The following GPR148 variants were observed in gnomAD, a reference collection of about 807,000 sequenced individuals.
GPR148 encodes the protein G protein-coupled receptor 148, also known as probable G protein-coupled receptor 148.
For missense variants in GPR148, 424 were observed against 435.3 expected, an observed-to-expected ratio of 0.97 and a Z score of 0.23; for synonymous variants, 173 against 187.9, an observed-to-expected ratio of 0.92 and a Z score of 0.65.
Position 130,729,617 on chromosome 2 carries a change from T to G in GPR148, c.466T>G (p.Tyr156Asp), listed in dbSNP as rs1688445778. The G allele has an allele frequency of 6.2e-7, 1 of 1,614,234 alleles. No individual in the cohort carries two copies. The highest frequency in any genetic ancestry group is 2.2e-5 in the East Asian group (1 of 44,886). The change falls in exon 1 of 1, where the codon TAC becomes GAC. Residue 156 changes from tyrosine (Y) to aspartate (D), a missense_variant. Transcript: ENST00000309926. ...TYLAVIHPLR[Y>D]LSFMSHGAAW... ...CCTGGCAGTCATCCATCCACTGCGC[T>G]ACCTCTCCTTCATGTCCCATGGGGC...
chr2:130,729,322 C>G lies in GPR148; in HGVS notation c.171C>G (p.Ser57Arg). Reference protein sequence around the residue: ...SMLYWLFLPSSLLAAATLAVS... With the variant: ...SMLYWLFLPSRLLAAATLAVS... Reference sequence around the variant, plus strand: ...TGTACTGGCTTTTCCTTCCCTCAAGCCTGCTGGCTGCAGCCACACTGGCTG... The same window carrying G: ...TGTACTGGCTTTTCCTTCCCTCAAGGCTGCTGGCTGCAGCCACACTGGCTG... The change falls in exon 1 of 1, where the codon AGC (serine) becomes AGG (arginine). Residue 57 changes from serine (S) to arginine (R), a missense_variant. Ser to Arg is a moderately radical substitution (Grantham distance 110). Transcript: ENST00000309926. 6.2e-7 allele frequency: 1 copy of G among 1,613,648 alleles called. No individual in the cohort carries two copies.
At position 130,729,987 on chromosome 2, in the gene GPR148, T is replaced by G; in HGVS notation, c.836T>G (p.Val279Gly). Residue 279 changes from valine to glycine, a missense_variant, in exon 1 of 1, where the codon GTG (valine) becomes GGG (glycine). Transcript: ENST00000309926. ...ACATTGTACGTGAGCACAGGGGTGGTGTTCTCCCTGGACATGGTGCTGACC... is the reference window on the plus strand; with the variant it reads ...ACATTGTACGTGAGCACAGGGGTGGGGTTCTCCCTGGACATGGTGCTGACC... ...LITLYVSTGV[V>G]FSLDMVLTRY... The G allele has an allele frequency of 6.4e-7, 1 of 1,555,944 alleles. No homozygotes were observed. The highest frequency in any genetic ancestry group is 8.7e-7 in the Non-Finnish European group (1 of 1,148,554).
At position 130,729,862 on chromosome 2, in the gene GPR148, C is replaced by A. The variant is rs1363546683; in HGVS notation, c.711C>A (p.Asn237Lys). ...TCCTCTGCACAGCTCTCATTGCCAACTGTTTCTGGAGGATCTATGCAGAGG... is the reference window on the plus strand; with the variant it reads ...TCCTCTGCACAGCTCTCATTGCCAAATGTTTCTGGAGGATCTATGCAGAGG... ...VLFLCTALIA[N>K]CFWRIYAEAK... The change falls in exon 1 of 1, where the codon AAC (asparagine) becomes AAA (lysine). Residue 237 changes from asparagine to lysine, a missense_variant. Coordinates refer to ENST00000309926, the MANE Select transcript of GPR148 (RefSeq NM_207364.2). 9 of 1,594,698 alleles carry A rather than the reference C, an allele frequency of 5.6e-6. No homozygotes were observed. Among genetic ancestry groups the A allele is most frequent in the Non-Finnish European group, 7.7e-6 (9 of 1,169,048 alleles).
chr2:130,729,407 T>C lies in GPR148; in HGVS notation c.256T>C (p.Tyr86His). The C allele has an allele frequency of 6.2e-7, 1 of 1,614,242 alleles. No homozygotes were observed. The highest frequency in any genetic ancestry group is 8.5e-7 in the Non-Finnish European group (1 of 1,180,030). ...CCAACGGCTGCGACAGGAGCCCCAC[T>C]ACCTGCTCCCGGCTAACATCCTGCT... ...RNQRLRQEPH[Y>H]LLPANILLSD... The change falls in exon 1 of 1, where the codon TAC (tyrosine) becomes CAC (histidine). Residue 86 changes from tyrosine to histidine, a missense_variant. By Grantham distance (83) the Tyr-to-His change is moderately conservative. Transcript: ENST00000309926.
rs751424076 is a variant in GPR148 at position 130,730,203 on chromosome 2, G to A, written c.*8G>A. 6.2e-7 allele frequency: 1 copy of A among 1,600,996 alleles called. No homozygotes were observed. The highest frequency in any genetic ancestry group is 1.7e-5 in the Admixed American group (1 of 57,726). ...ATCTTTACCATTTCCTAGAGTTCTT[G>A]AGTCCACAGTCTGGCAAGCTGAGGT... On this transcript the variant is annotated 3_prime_UTR_variant, in exon 1 of 1. Transcript: ENST00000309926.
Position 130,729,421 on chromosome 2 carries a change from T to A in GPR148, c.270T>A (p.Ala90=). The change falls in exon 1 of 1, where the codon GCT becomes GCA. Residue 90 remains alanine, a synonymous_variant. Transcript: ENST00000309926. ...AGGAGCCCCACTACCTGCTCCCGGC[T>A]AACATCCTGCTCTCAGACCTGGCCT... The part of the protein sequence containing the change: ...LRQEPHYLLP[A]NILLSDLAYI... 1.2e-6 allele frequency: 2 copies of A among 1,614,232 alleles called. No homozygotes were observed. Among genetic ancestry groups the A allele is most frequent in the Non-Finnish European group, 1.7e-6 (2 of 1,180,034 alleles).
chr2:130,729,283 G>A lies in GPR148; in HGVS notation c.132G>A (p.Val44=), dbSNP rs1688437639. The stretch of plus-strand genomic sequence containing the variant: ...CCTTGGGCCTGGGGGACCTCAGGGT[G>A]CCCAGCTCCATGCTGTACTGGCTTT... ...NTSLGLGDLR[V]PSSMLYWLFL... The change falls in exon 1 of 1, where the codon GTG becomes GTA. Residue 44 remains valine (V), a synonymous_variant. Coordinates refer to ENST00000309926, the MANE Select transcript of GPR148 (RefSeq NM_207364.2). 1 of 1,612,348 alleles carries A rather than the reference G, an allele frequency of 6.2e-7. No individual in the cohort carries two copies. The highest frequency in any genetic ancestry group is 8.5e-7 in the Non-Finnish European group (1 of 1,178,812).
rs542740076 is a variant in GPR148 at position 130,730,205 on chromosome 2, G to C, written c.*10G>C. 1.1e-5 allele frequency: 18 copies of C among 1,599,384 alleles called. No homozygotes were observed. The highest frequency in any genetic ancestry group is 1.5e-5 in the Non-Finnish European group (18 of 1,172,646). ...CTTTACCATTTCCTAGAGTTCTTGA[G>C]TCCACAGTCTGGCAAGCTGAGGTTA... On this transcript the variant is annotated 3_prime_UTR_variant, in exon 1 of 1. Coordinates refer to ENST00000309926, the MANE Select transcript of GPR148 (RefSeq NM_207364.2).
rs759535292 is a variant in GPR148 at position 130,729,751 on chromosome 2, A to G, written c.600A>G (p.Ser200=). Residue 200 remains serine, a synonymous_variant, in exon 1 of 1, where the codon TCA becomes TCG. Coordinates refer to ENST00000309926, the MANE Select transcript of GPR148 (RefSeq NM_207364.2). The stretch of plus-strand genomic sequence containing the variant: ...CCCAGCTGGAGGAGCAAGGAGCTTC[A>G]TACATCCTACCACCAAGCATGGGCA... The part of the protein sequence containing the change: ...QDAQLEEQGA[S]YILPPSMGTQ... The G allele has an allele frequency of 8.7e-6, 14 of 1,614,224 alleles. No homozygotes were observed. Among genetic ancestry groups the G allele is most frequent in the Non-Finnish European group, 1.1e-5 (13 of 1,180,028 alleles).
Position 130,730,173 on chromosome 2 carries a change from A to G in GPR148, c.1022A>G (p.Gln341Arg), listed in dbSNP as rs763756514. The change falls in exon 1 of 1, where the codon CAG becomes CGG. Residue 341 changes from glutamine to arginine, a missense_variant. Gln to Arg is a conservative substitution (Grantham distance 43). Coordinates refer to ENST00000309926, the MANE Select transcript of GPR148 (RefSeq NM_207364.2). ...VRGHLPSRRH[Q>R]AIFTIS is the part of the protein sequence containing the mutation. Reference sequence around the variant, plus strand: ...GGCCACCTCCCATCCAGGAGGCACCAGGCCATCTTTACCATTTCCTAGAGT... The same window carrying G: ...GGCCACCTCCCATCCAGGAGGCACCGGGCCATCTTTACCATTTCCTAGAGT... 8 of 1,612,416 alleles carry G rather than the reference A, an allele frequency of 5.0e-6. No homozygotes were observed. The South Asian group carries it at 8.8e-5, about 18-fold the overall frequency.
rs1211722975 is a variant in GPR148 at position 130,729,285 on chromosome 2, C to T, written c.134C>T (p.Pro45Leu). 3.1e-6 allele frequency: 5 copies of T among 1,612,550 alleles called. No individual in the cohort carries two copies. The highest frequency in any genetic ancestry group is 4.2e-6 in the Non-Finnish European group (5 of 1,178,944). The change falls in exon 1 of 1, where the codon CCC (proline) becomes CTC (leucine). Residue 45 changes from proline (P) to leucine (L), a missense_variant. Pro to Leu is a moderately conservative substitution (Grantham distance 98). Coordinates refer to ENST00000309926, the MANE Select transcript of GPR148 (RefSeq NM_207364.2). ...TSLGLGDLRV[P>L]SSMLYWLFLP... Reference sequence around the variant, plus strand: ...TTGGGCCTGGGGGACCTCAGGGTGCCCAGCTCCATGCTGTACTGGCTTTTC... The same window carrying T: ...TTGGGCCTGGGGGACCTCAGGGTGCTCAGCTCCATGCTGTACTGGCTTTTC...
chr2:130,729,838 C>G lies in GPR148; in HGVS notation c.687C>G (p.Phe229Leu). ...ACACCTCCATTCTGTGCGTTCTGTTCCTCTGCACAGCTCTCATTGCCAACT... is the reference window on the plus strand; with the variant it reads ...ACACCTCCATTCTGTGCGTTCTGTTGCTCTGCACAGCTCTCATTGCCAACT... ...VTYTSILCVL[F>L]LCTALIANCF... Residue 229 changes from phenylalanine to leucine, a missense_variant, in exon 1 of 1, where the codon TTC becomes TTG. Coordinates refer to ENST00000309926, the MANE Select transcript of GPR148 (RefSeq NM_207364.2). 6.3e-7 allele frequency: 1 copy of G among 1,598,226 alleles called. No homozygotes were observed. The highest frequency in any genetic ancestry group is 8.5e-7 in the Non-Finnish European group (1 of 1,170,168).
In GPR148 at chr2:130,729,094, T is replaced by C; in HGVS notation, c.-58T>C. On this transcript the variant is annotated 5_prime_UTR_variant, in exon 1 of 1. Coordinates refer to ENST00000309926, the MANE Select transcript of GPR148 (RefSeq NM_207364.2). ...GGACCCCTGTGGGGCAGATCAACAC[T>C]CAAGGCAGGTGCAGAATCAACAACC... 1 of 1,446,174 alleles carries C rather than the reference T, an allele frequency of 6.9e-7. No homozygotes were observed. The allele number at this position is 1,446,174 out of a possible 1,614,324, so 89.6% of individuals were successfully genotyped here. A position where few individuals can be genotyped will look rare whatever the true frequency, so the allele number is the denominator to read the frequency against.
At position 130,729,861 on chromosome 2, in the gene GPR148, A is replaced by G. The variant is rs1291441085; in HGVS notation, c.710A>G (p.Asn237Ser). Reference sequence around the variant, plus strand: ...TTCCTCTGCACAGCTCTCATTGCCAACTGTTTCTGGAGGATCTATGCAGAG... The same window carrying G: ...TTCCTCTGCACAGCTCTCATTGCCAGCTGTTTCTGGAGGATCTATGCAGAG... ...VLFLCTALIA[N>S]CFWRIYAEAK... Residue 237 changes from asparagine (N) to serine (S), a missense_variant, in exon 1 of 1, where the codon AAC (asparagine) becomes AGC (serine). Transcript: ENST00000309926. 2 of 1,594,622 alleles carry G rather than the reference A, an allele frequency of 1.3e-6. No homozygotes were observed. Among genetic ancestry groups the G allele is most frequent in the Non-Finnish European group, 1.7e-6 (2 of 1,168,888 alleles).
Position 130,729,947 on chromosome 2 carries a change from C to G in GPR148, c.796C>G (p.His266Asp), listed in dbSNP as rs1287756077. 1 of 1,563,484 alleles carries G rather than the reference C, an allele frequency of 6.4e-7. No homozygotes were observed. Among genetic ancestry groups the G allele is most frequent in the South Asian group, 1.2e-5 (1 of 81,542 alleles). Residue 266 changes from histidine (H) to aspartate (D), a missense_variant, in exon 1 of 1, where the codon CAC becomes GAC. Physicochemically the swap from His to Asp is moderately conservative, Grantham distance 81. Transcript: ENST00000309926. ...CCGGGCCAGGGGCACCCTGCTGATC[C>G]ACTCAGTGCTGATCACATTGTACGT... ...YSRARGTLLI[H>D]SVLITLYVST...
At position 130,729,403 on chromosome 2, in the gene GPR148, C is replaced by A. The variant is rs772932393; in HGVS notation, c.252C>A (p.Pro84=). 7.4e-6 allele frequency: 12 copies of A among 1,614,148 alleles called. No homozygotes were observed. Among genetic ancestry groups the A allele is most frequent in the African/African-American group, 2.7e-5 (2 of 74,954 alleles). The change falls in exon 1 of 1, where the codon CCC becomes CCA. Residue 84 remains proline (P), a synonymous_variant. Transcript: ENST00000309926. Reference sequence around the variant, plus strand: ...GGAACCAACGGCTGCGACAGGAGCCCCACTACCTGCTCCCGGCTAACATCC... The same window carrying A: ...GGAACCAACGGCTGCGACAGGAGCCACACTACCTGCTCCCGGCTAACATCC... ...ILRNQRLRQE[P]HYLLPANILL...
Position 130,729,466 on chromosome 2 carries a change from C to T in GPR148, c.315C>T (p.Leu105=), listed in dbSNP as rs910204790. 2 of 1,614,244 alleles carry T rather than the reference C, an allele frequency of 1.2e-6. No homozygotes were observed. The highest frequency in any genetic ancestry group is 8.5e-7 in the Non-Finnish European group (1 of 1,180,022). Residue 105 remains leucine, a synonymous_variant, in exon 1 of 1, where the codon CTC becomes CTT. Transcript: ENST00000309926. ...TGGCCTACATTCTCCTCCACATGCT[C>T]ATCTCCTCCAGCAGCCTGGGTGGCT... The part of the protein sequence containing the change: ...SDLAYILLHM[L]ISSSSLGGWE...
At position 130,729,765 on chromosome 2, in the gene GPR148, C is replaced by A. The variant is rs150941625; in HGVS notation, c.614C>A (p.Pro205Gln). The A allele has an allele frequency of 6.2e-7, 1 of 1,613,668 alleles. No homozygotes were observed. Among genetic ancestry groups the A allele is most frequent in the Non-Finnish European group, 8.5e-7 (1 of 1,179,562 alleles). ...CAAGGAGCTTCATACATCCTACCAC[C>A]AAGCATGGGCACCCAGCCGGGATGT... ...EEQGASYILPPSMGTQPGCGL... is the reference protein window; with the variant it reads ...EEQGASYILPQSMGTQPGCGL... The change falls in exon 1 of 1, where the codon CCA becomes CAA. Residue 205 changes from proline (P) to glutamine (Q), a missense_variant. Physicochemically the swap from Pro to Gln is moderately conservative, Grantham distance 76. Coordinates refer to ENST00000309926, the MANE Select transcript of GPR148 (RefSeq NM_207364.2).
Position 130,729,452 on chromosome 2 carries a change from C to T in GPR148, c.301C>T (p.Leu101Phe). 5 of 1,614,238 alleles carry T rather than the reference C, an allele frequency of 3.1e-6. No individual in the cohort carries two copies. Among genetic ancestry groups the T allele is most frequent in the Non-Finnish European group, 4.2e-6 (5 of 1,180,014 alleles). ...NILLSDLAYI[L>F]LHMLISSSSL... Reference sequence around the variant, plus strand: ...CCTGCTCTCAGACCTGGCCTACATTCTCCTCCACATGCTCATCTCCTCCAG... The same window carrying T: ...CCTGCTCTCAGACCTGGCCTACATTTTCCTCCACATGCTCATCTCCTCCAG... The change falls in exon 1 of 1, where the codon CTC (leucine) becomes TTC (phenylalanine). Residue 101 changes from leucine to phenylalanine, a missense_variant. Leu to Phe is a conservative substitution (Grantham distance 22). Coordinates refer to ENST00000309926, the MANE Select transcript of GPR148 (RefSeq NM_207364.2).
Sources: allele counts gnomAD v4.1 joint callset, GRCh38; gene constraint gnomAD v4.1.1; transcripts MANE v1.5; gene names NCBI Gene and HGNC (gene_info 2026-07-23, HGNC 2026-07-21).